Variants in SPOCK3 observed in about 807,000 individuals in gnomAD.
SPOCK3 encodes the protein SPARC (osteonectin), cwcv and kazal like domains proteoglycan 3, also known as testican-3.
Under a neutral mutation model 56.6 loss-of-function variants are expected in SPOCK3, and 30 were observed. The observed-to-expected ratio is 0.53, with a 90% CI of 0.40 to 0.72. The LOEUF (loss-of-function observed/expected upper bound fraction) is 0.72. SPOCK3 is among the 30% of genes least tolerant of loss of function. The pLI is 0.00. For missense variants in SPOCK3, 527 were observed against 530.0 expected (o/e 0.99, Z 0.06); for synonymous variants, 196 against 183.3 (o/e 1.07, Z -0.56).
chr4:167,027,466 T>C (rs1445915472), intron 3 of SPOCK3, among the ~76,000 whole-genome samples: 3 of 151,972 alleles, frequency 2.0e-5, no homozygotes, highest in Admixed American at 1.3e-4. Flanking sequence ...TTTAATAGTA[T>C]ATATAATTAA....
intron 7 of SPOCK3, among the ~76,000 whole-genome samples, chr4:166,788,885 A>G (rs1741029578): frequency 6.6e-6 from 1 of 152,102 alleles, no homozygotes; most frequent in African/African-American, 2.4e-5. Context: ...AATGCTGGCT[A>G]ATTTTTAAAA....
intron 3 of SPOCK3, among the ~76,000 whole-genome samples, chr4:167,006,872 T>G (rs1036482021): frequency 2.6e-5 from 4 of 152,214 alleles, no homozygotes; most frequent in African/African-American, 9.6e-5. Context: ...TCTTTATCCC[T>G]CGCAACTCAA....
chr4:167,105,096 A>G (rs932847156), intron 2 of SPOCK3, among the ~76,000 whole-genome samples: 7 of 152,194 alleles, frequency 4.6e-5, no homozygotes, highest in African/African-American at 1.7e-4. Flanking sequence ...TCTATCCTAC[A>G]AGAAATGCTA....
intron 2 of SPOCK3, among the ~76,000 whole-genome samples, chr4:167,065,062 T>TAAAAAAAAAAAAAAAAAAAAAAAAAAAAA (rs74281519): frequency 5.3e-5 from 3 of 56,868 alleles, no homozygotes; most frequent in African/African-American, 8.1e-5. Context: ...AAAAAAAAAG[T>TAAAAAAAAAAAAAAAAAAAAAAAAAAAAA]CAAACGCAGC....
At chr4:166,841,833 T>C in intron 6 of SPOCK3, among the ~76,000 whole-genome samples, 1 of 152,190 alleles carries the variant, frequency 6.6e-6, no homozygotes, top group East Asian at 1.9e-4. Context: ...TCCCATTGTG[T>C]CTAAAATCGT....
At chr4:166,812,136 T>TTGATTTAACAAATTCATTGA (rs1172903207) in intron 6 of SPOCK3, among the ~76,000 whole-genome samples, 1 of 151,864 alleles carries the variant, frequency 6.6e-6, no homozygotes, top group East Asian at 1.9e-4. Flanking sequence ...TGCAATATCT[T>TTGATTTAACAAATTCATTGA]TGATTTAACA....
chr4:167,130,283 A>C (rs962998750), intron 2 of SPOCK3, among the ~76,000 whole-genome samples: 3 of 152,204 alleles, frequency 2.0e-5, no homozygotes, highest in Non-Finnish European at 4.4e-5. Flanking sequence ...ATATTTTAAA[A>C]ATAATAGATT....
intron 2 of SPOCK3, among the ~76,000 whole-genome samples, chr4:167,230,870 T>G (rs547550528): frequency 6.6e-6 from 1 of 152,246 alleles, no homozygotes; most frequent in Admixed American, 6.5e-5. Flanking sequence ...CAACAGACAT[T>G]GCTAGCATAG....
intron 6 of SPOCK3, among the ~76,000 whole-genome samples, chr4:166,838,665 G>C (rs1183261446): frequency 1.9e-4 from 28 of 146,730 alleles, no homozygotes; most frequent in Non-Finnish European, 1.5e-5. Context: ...TAAAATCCTT[G>C]TCATAGACCG....
At chr4:166,744,798 T>A (rs531852285) in intron 8 of SPOCK3, among the ~76,000 whole-genome samples, 1 of 152,198 alleles carries the variant, frequency 6.6e-6, no homozygotes, top group East Asian at 1.9e-4. Flanking sequence ...TTAAGTGACC[T>A]GATGGAGCTG....
intron 4 of SPOCK3, among the ~76,000 whole-genome samples, chr4:166,981,917 C>T (rs1228147711): frequency 1.3e-5 from 2 of 152,216 alleles, no homozygotes; most frequent in Non-Finnish European, 2.9e-5. Context: ...TCAGCTCACA[C>T]ACGCTCTGCA....
chr4:167,205,785 A>AT (rs1376770006), intron 2 of SPOCK3, among the ~76,000 whole-genome samples: 1 of 147,496 alleles, frequency 6.8e-6, no homozygotes, highest in Non-Finnish European at 1.5e-5. Context: ...TAATTTATGC[A>AT]TTTTTAGTAG....
At chr4:167,013,119 C>T (rs1036112473) in intron 3 of SPOCK3, among the ~76,000 whole-genome samples, 3 of 150,872 alleles carry the variant, frequency 2.0e-5, no homozygotes, top group Admixed American at 6.6e-5. Context: ...ATGTGAAAGG[C>T]TACCTATTAG....
chr4:167,211,254 T>C (rs1734844092), intron 2 of SPOCK3, among the ~76,000 whole-genome samples: 4 of 152,156 alleles, frequency 2.6e-5, no homozygotes, highest in Admixed American at 2.6e-4. Flanking sequence ...GTACCCCTGT[T>C]GTATCTAGGA....
intron 7 of SPOCK3, among the ~76,000 whole-genome samples, chr4:166,771,040 G>A (rs1333792651): frequency 6.7e-6 from 1 of 148,658 alleles, no homozygotes; most frequent in African/African-American, 2.5e-5. Flanking sequence ...GTGATTGTAT[G>A]ATAGATTATA....
chr4:167,090,872 G>A (rs1385456753), intron 2 of SPOCK3, among the ~76,000 whole-genome samples: 2 of 151,694 alleles, frequency 1.3e-5, no homozygotes, highest in Non-Finnish European at 2.9e-5. Flanking sequence ...ATGGCTTAAA[G>A]AACAAAATTA....
chr4:166,801,911 C>A (rs943126064), intron 6 of SPOCK3, among the ~76,000 whole-genome samples: 1 of 151,846 alleles, frequency 6.6e-6, no homozygotes, highest in Non-Finnish European at 1.5e-5. Context: ...AGACACTGCA[C>A]AATGAAAGAA....
intron 2 of SPOCK3, among the ~76,000 whole-genome samples, chr4:167,110,995 T>C (rs888983691): frequency 2.0e-5 from 3 of 151,982 alleles, no homozygotes; most frequent in African/African-American, 7.2e-5. Context: ...CATACTAATA[T>C]ATTTTATTTG....
intron 3 of SPOCK3, among the ~76,000 whole-genome samples, chr4:167,028,554 C>T (rs145169581): frequency 2.6e-5 from 4 of 152,120 alleles, no homozygotes; most frequent in African/African-American, 9.6e-5. Context: ...AGCAAGCTTG[C>T]TATTCGTGTC....
Sources: allele counts gnomAD v4.1 joint callset (sites outside exome capture counted in the v4.1 genomes callset), GRCh38; gene constraint gnomAD v4.1.1; transcripts MANE v1.5; gene names NCBI Gene and HGNC (gene_info 2026-07-23, HGNC 2026-07-21).